Variants in ABCC8 observed in about 807,000 individuals in gnomAD.
ABCC8 encodes ATP-binding cassette sub-family C member 8.
ABCC8 carries 137 observed loss-of-function variants against 188.0 expected under a neutral mutation model. The observed-to-expected ratio is 0.73, with a 90% CI of 0.63 to 0.84. The LOEUF is 0.84. Among genes scored for constraint, ABCC8 ranks in the 40% least tolerant of loss-of-function variants. ABCC8 has a pLI of 0.00. For synonymous variants in ABCC8, 797 were observed against 846.5 expected, an observed-to-expected ratio of 0.94 and a Z score of 1.01; for missense variants, 1,750 against 2,072.7, an observed-to-expected ratio of 0.84 and a Z score of 3.02.
In ABCC8 at chr11:17,466,398, CAA is replaced by C. The variant is rs747797902; in HGVS notation, c.413-2796_413-2795del. Among the ~76,000 whole-genome samples, 281 of 49,830 alleles carry C rather than the reference CAA, an allele frequency of 5.6e-3. 1 individual carries two copies. Among genetic ancestry groups the C allele is most frequent in the Non-Finnish European group, 8.0e-3 (192 of 23,934 alleles). 32.7% of individuals were successfully genotyped at this position (49,830 alleles called of 152,430 possible). On this transcript the variant is annotated intron_variant, in intron 3 of 38. Transcript: ENST00000389817. Reference sequence around the variant, plus strand: ...TGGGCAACAGAGCAAGACTCCATCTCAAAAAAAAAAAAAAAAAAAAAGACAGT... The same window carrying C: ...TGGGCAACAGAGCAAGACTCCATCTCAAAAAAAAAAAAAAAAAAAGACAGT...
Position 17,407,450 on chromosome 11 carries a change from T to C in ABCC8, c.2824A>G (p.Thr942Ala). ...NRQDQELEKE[T>A]VTERKATEPP... ...TCTGTGGCTTTTCTCTCTGTGACAG[T>C]CTCCTAAAAGACAGATGTGGCCTGG... is the stretch of plus-strand genomic sequence containing the variant. The change falls in exon 24 of 39, where the codon ACT becomes GCT. Residue 942 changes from threonine to alanine, a missense_variant. Thr to Ala is a moderately conservative substitution (Grantham distance 58, BLOSUM62 0). Coordinates refer to ENST00000389817, the MANE Select transcript of ABCC8 (RefSeq NM_000352.6). 2 of 1,614,054 alleles carry C rather than the reference T, an allele frequency of 1.2e-6. No homozygotes were observed. Among genetic ancestry groups the C allele is most frequent in the Non-Finnish European group, 1.7e-6 (2 of 1,180,008 alleles).
intron 10 of ABCC8, among the ~76,000 whole-genome samples, chr11:17,440,958 A>G (rs144891800): frequency 1.5e-3 from 225 of 152,308 alleles, no homozygotes; most frequent in African/African-American, 5.2e-3. Context: ...GAATACGCAG[A>G]TGACCTGAGT....
rs190912827 is a variant in ABCC8 at position 17,459,421 on chromosome 11, A to C, written c.1011+1067T>G. On this transcript the variant is annotated intron_variant, in intron 6 of 38. Transcript: ENST00000389817. ...AATGAAAGTTTGCTGCATAAATCAG[A>C]CTCAACGTATCTCATATCTGTGGCC... Among the ~76,000 whole-genome samples the C allele has an allele frequency of 3.3e-5, 5 of 152,270 alleles. No individual in the cohort carries two copies. The East Asian group carries it at 9.6e-4, about 29-fold the overall frequency.
At chr11:17,415,282 C>T in intron 18 of ABCC8, 22 bp downstream of exon 18, 1 of 1,603,554 alleles carries the variant, frequency 6.2e-7, no homozygotes, top group Non-Finnish European at 8.5e-7. Context: ...CCCTGGGGGG[C>T]AATGTTCCCA....
At chr11:17,393,796 C>G (rs760952379) in intron 37 of ABCC8, 37 bp from the exon 38 acceptor site, 2 of 1,614,036 alleles carry the variant, frequency 1.2e-6, no homozygotes, top group Non-Finnish European at 1.7e-6. Context: ...GCTCACCTGC[C>G]CAGTGGATGG....
intron 29 of ABCC8, chr11:17,398,881 T>C: frequency 3.7e-6 from 1 of 272,762 alleles, no homozygotes; most frequent in Admixed American, 4.9e-5. Flanking sequence ...TGAATACGTC[T>C]ACCTGCTGTC....
intron 8 of ABCC8, among the ~76,000 whole-genome samples, chr11:17,446,029 G>A (rs1166792394): frequency 6.7e-6 from 1 of 148,348 alleles, no homozygotes; most frequent in Admixed American, 6.8e-5. Context: ...GCAGTGACAC[G>A]ATCTCAGCTC....
At chr11:17,411,982 T>C (rs1464490775) in intron 21 of ABCC8, among the ~76,000 whole-genome samples, 1 of 142,762 alleles carries the variant, frequency 7.0e-6, no homozygotes, top group Non-Finnish European at 1.5e-5. Flanking sequence ...AAGCTCCGCC[T>C]CCCGGGTTCA....
At chr11:17,460,336 T>G in intron 6 of ABCC8, 152 bp downstream of exon 6, 1 of 1,222,910 alleles carries the variant, frequency 8.2e-7, no homozygotes, top group Admixed American at 1.7e-5. Context: ...AGATGTAGAG[T>G]ATTCTGTGGT....
Position 17,408,500 on chromosome 11 carries a change from A to G in ABCC8, c.2712T>C (p.Asp904=). 1.2e-6 allele frequency: 2 copies of G among 1,612,650 alleles called. No homozygotes were observed. Among genetic ancestry groups the G allele is most frequent in the Non-Finnish European group, 1.7e-6 (2 of 1,179,842 alleles). Reference sequence around the variant, plus strand: ...GGGTACCCTCCCTCTGGATGGTGCCATCCTTCATGGCAATGATCTGGAAAG... The same window carrying G: ...GGGTACCCTCCCTCTGGATGGTGCCGTCCTTCATGGCAATGATCTGGAAAG... ...PHADWIIAMK[D]GTIQREGTLK... Residue 904 remains aspartate (D), a synonymous_variant, in exon 23 of 39, where the codon GAT becomes GAC. Transcript: ENST00000389817.
intron 10 of ABCC8, among the ~76,000 whole-genome samples, chr11:17,440,956 A>C (rs1956292276): frequency 6.6e-6 from 1 of 152,336 alleles, no homozygotes; most frequent in East Asian, 1.9e-4. Flanking sequence ...AAGAATACGC[A>C]GATGACCTGA....
In ABCC8 at chr11:17,406,918, G is replaced by A. The variant is rs757631836; in HGVS notation, c.3132C>T (p.Thr1044=). 6.2e-7 allele frequency: 1 copy of A among 1,614,004 alleles called. No individual in the cohort carries two copies. Among genetic ancestry groups the A allele is most frequent in the African/African-American group, 1.3e-5 (1 of 74,940 alleles). The part of the protein sequence containing the change: ...AKWTDSALTL[T]PAARNCSLSQ... Reference sequence around the variant, plus strand: ...TGAGGGAGCAGTTCCTGGCTGCAGGGGTCAGGGTCAGGGCGCTGTCGGTCC... The same window carrying A: ...TGAGGGAGCAGTTCCTGGCTGCAGGAGTCAGGGTCAGGGCGCTGTCGGTCC... Residue 1044 remains threonine (T), a synonymous_variant, in exon 25 of 39, where the codon ACC becomes ACT. Coordinates refer to ENST00000389817, the MANE Select transcript of ABCC8 (RefSeq NM_000352.6).
At chr11:17,463,933 C>G (rs1019807183) in intron 3 of ABCC8, among the ~76,000 whole-genome samples, 2 of 152,172 alleles carry the variant, frequency 1.3e-5, no homozygotes, top group African/African-American at 4.8e-5. Context: ...CAAGTAAGCA[C>G]TTTAAACACA....
chr11:17,429,622 A>T (rs1955754013), intron 12 of ABCC8: 1 of 152,200 alleles, frequency 6.6e-6, no homozygotes, highest in Non-Finnish European at 1.5e-5. Context: ...TGGGATCCAG[A>T]GTGTTTGAAA....
At chr11:17,475,375 G>A (rs537643167) in intron 1 of ABCC8, among the ~76,000 whole-genome samples, 32 of 152,092 alleles carry the variant, frequency 2.1e-4, no homozygotes, top group Non-Finnish European at 4.3e-4. Context: ...ACATCACCAT[G>A]CTCAGCTAAT....
intron 16 of ABCC8, among the ~76,000 whole-genome samples, chr11:17,419,065 G>A (rs890246714): frequency 3.5e-4 from 54 of 152,190 alleles, no homozygotes; most frequent in Non-Finnish European, 5.9e-5. Flanking sequence ...GGGAAGAGGG[G>A]AAGCTGGGGT....
rs954261027 is a variant in ABCC8 at position 17,461,320 on chromosome 11, C to G, written c.822+263G>C. The G allele has an allele frequency of 9.3e-6, 5 of 535,882 alleles. No homozygotes were observed. In the African/African-American group the frequency reaches 9.5e-5, roughly 10 times the overall value. The allele number at this position is 535,882 out of a possible 1,614,324, so 33.2% of individuals were successfully genotyped here. ...AGTGGGGTCACTTCCCTTCTCAGAG[C>G]CTCAGTTTCCCCATCTGGATAAGGA... is the stretch of plus-strand genomic sequence containing the variant. On this transcript the variant is annotated intron_variant, in intron 5 of 38. Transcript: ENST00000389817.
At chr11:17,410,001 C>T (rs2133458835) in intron 22 of ABCC8, among the ~76,000 whole-genome samples, 1 of 152,216 alleles carries the variant, frequency 6.6e-6, no homozygotes, top group South Asian at 2.1e-4. Flanking sequence ...ATCCTCTTGT[C>T]CTGGCCTCCC....
At chr11:17,433,763 G>A (rs1955955284) in intron 10 of ABCC8, among the ~76,000 whole-genome samples, 1 of 152,240 alleles carries the variant, frequency 6.6e-6, no homozygotes, top group East Asian at 1.9e-4. Flanking sequence ...GTCTCCTGGA[G>A]GATGTATGGC....
Sources: gnomAD v4.1 joint callset for allele counts (sites outside exome capture counted in the v4.1 genomes callset) on GRCh38, gnomAD v4.1.1 for gene constraint, MANE v1.5 for transcripts, NCBI Gene and HGNC (gene_info 2026-07-23, HGNC 2026-07-21) for gene names.